Variants in YIPF4 observed in about 807,000 individuals in gnomAD.
YIPF4 encodes the protein Yip1 domain family member 4, also known as protein YIPF4.
A neutral mutation model predicts 29.4 loss-of-function variants in YIPF4; 18 were observed. The ratio of observed to expected loss-of-function variants is 0.61; its 90% CI spans 0.42 to 0.91. YIPF4 has a LOEUF of 0.91. Among genes scored for constraint, YIPF4 ranks in the 40% least tolerant of loss-of-function variants. The pLI is 0.00. For missense variants in YIPF4, 279 were observed against 282.7 expected (o/e 0.99, Z 0.09); for synonymous variants, 115 against 104.7 (o/e 1.10, Z -0.60).
At chr2:32,303,781 G>A (rs1349371072) in intron 5 of YIPF4, among the ~76,000 whole-genome samples, 1 of 152,140 alleles carries the variant, frequency 6.6e-6, no homozygotes, top group East Asian at 1.9e-4. Flanking sequence ...TAACCCTAAA[G>A]CCTTTTTTTG....
intron 3 of YIPF4, among the ~76,000 whole-genome samples, chr2:32,294,551 C>T (rs1438511063): frequency 5.9e-5 from 9 of 151,366 alleles, no homozygotes; most frequent in African/African-American, 9.7e-5. Context: ...GATGGGATGG[C>T]GGCCGGGCAG....
At chr2:32,292,421 A>G in intron 3 of YIPF4, 73 bp downstream of exon 3, 2 of 1,085,730 alleles carry the variant, frequency 1.8e-6, no homozygotes, top group Admixed American at 6.4e-5. Flanking sequence ...TAAGATATTA[A>G]CTGTAATATA....
At chr2:32,288,481 T>C (rs1262748368) in intron 1 of YIPF4, among the ~76,000 whole-genome samples, 1 of 152,194 alleles carries the variant, frequency 6.6e-6, no homozygotes, top group Non-Finnish European at 1.5e-5. Flanking sequence ...GCTGTACTAA[T>C]GATTTCTGGA....
intron 3 of YIPF4, among the ~76,000 whole-genome samples, chr2:32,294,642 G>A (rs1048211048): frequency 4.0e-5 from 6 of 151,780 alleles, no homozygotes; most frequent in Admixed American, 2.0e-4. Context: ...AGGCAGAGAC[G>A]CTCCTCACTT....
intron 3 of YIPF4, among the ~76,000 whole-genome samples, chr2:32,292,855 T>C (rs1573533380): frequency 9.3e-6 from 1 of 107,350 alleles, no homozygotes; most frequent in African/African-American, 3.9e-5. Flanking sequence ...AGAGTGAGAC[T>C]CCATCTCAAA....
At chr2:32,289,771 C>T (rs1490985656) in intron 1 of YIPF4, among the ~76,000 whole-genome samples, 1 of 152,048 alleles carries the variant, frequency 6.6e-6, no homozygotes, top group Non-Finnish European at 1.5e-5. Context: ...CTCTTCACCT[C>T]TTGTTAGAGC....
At chr2:32,304,920 C>G (rs2031524803) in intron 5 of YIPF4, among the ~76,000 whole-genome samples, 1 of 151,942 alleles carries the variant, frequency 6.6e-6, no homozygotes, top group African/African-American at 2.4e-5. Flanking sequence ...CTTTTTATCT[C>G]CTTTTTATTC....
intron 1 of YIPF4, among the ~76,000 whole-genome samples, chr2:32,281,747 G>T (rs548656268): frequency 6.6e-6 from 1 of 151,880 alleles, no homozygotes; most frequent in East Asian, 1.9e-4. Flanking sequence ...AAATTAGCCG[G>T]GCATGGTGGC....
chr2:32,312,990 CAAAA>C lies in YIPF4; in HGVS notation c.*7370_*7373del, dbSNP rs902045918. 6.7e-6 allele frequency: 1 copy of C among 148,406 alleles called. No homozygotes were observed. The highest frequency in any genetic ancestry group is 1.5e-5 in the Non-Finnish European group (1 of 67,140). The allele number at this position is 148,406 out of a possible 1,614,324, so 9.2% of individuals were successfully genotyped here. A position where few individuals can be genotyped will look rare whatever the true frequency, so the allele number is the denominator to read the frequency against. ...TGGGTGACAGAGCGAGACTCTGTCT[CAAAA>C]AAAAAGACCGCCCCCCCCAATATAC... On this transcript the variant is annotated 3_prime_UTR_variant, in exon 6 of 6. Transcript: ENST00000238831.
intron 4 of YIPF4, among the ~76,000 whole-genome samples, chr2:32,300,854 A>G (rs1399212899): frequency 2.0e-5 from 3 of 152,208 alleles, no homozygotes; most frequent in Non-Finnish European, 4.4e-5. Flanking sequence ...CCTATATTTC[A>G]TAGGATTGTT....
chr2:32,307,139 T>G lies in YIPF4; in HGVS notation c.*1513T>G. ...CCAGAGGGACAGGACTTCTAGAAGT[T>G]AGAATAATATGAAGTAATCAGGAAA... On this transcript the variant is annotated 3_prime_UTR_variant, in exon 6 of 6. Transcript: ENST00000238831. The G allele has an allele frequency of 7.7e-7, 1 of 1,299,094 alleles. No homozygotes were observed. The highest frequency in any genetic ancestry group is 1.0e-6 in the Non-Finnish European group (1 of 987,166). 80.5% of individuals were successfully genotyped at this position (1,299,094 alleles called of 1,614,324 possible). A position where few individuals can be genotyped will look rare whatever the true frequency, so the allele number is the denominator to read the frequency against.
At chr2:32,286,619 C>T (rs1262827724) in intron 1 of YIPF4, among the ~76,000 whole-genome samples, 1 of 151,980 alleles carries the variant, frequency 6.6e-6, no homozygotes, top group Non-Finnish European at 1.5e-5. Context: ...GATCTCAGCT[C>T]AGTGCAACCT....
At chr2:32,279,514 C>T (rs1169089157) in intron 1 of YIPF4, among the ~76,000 whole-genome samples, 4 of 150,302 alleles carry the variant, frequency 2.7e-5, no homozygotes, top group East Asian at 2.0e-4. Context: ...TCTCTGGCCT[C>T]AGCCTCCCGT....
At position 32,315,728 on chromosome 2, in the gene YIPF4, A is replaced by C. The variant is rs2148971677; in HGVS notation, c.*10102A>C. On this transcript the variant is annotated 3_prime_UTR_variant, in exon 6 of 6. Coordinates refer to ENST00000238831, the MANE Select transcript of YIPF4 (RefSeq NM_032312.4). Reference sequence around the variant, plus strand: ...GCACTCCAGCCTGGGTGACAAGGCAAGACTCCGTCTCAAAAAAAAAAAGAA... The same window carrying C: ...GCACTCCAGCCTGGGTGACAAGGCACGACTCCGTCTCAAAAAAAAAAAGAA... The C allele has an allele frequency of 6.6e-6, 1 of 152,364 alleles. No homozygotes were observed. Among genetic ancestry groups the C allele is most frequent in the South Asian group, 2.1e-4 (1 of 4,822 alleles). 9.4% of individuals were successfully genotyped at this position (152,364 alleles called of 1,614,324 possible). A position where few individuals can be genotyped will look rare whatever the true frequency, so the allele number is the denominator to read the frequency against.
chr2:32,295,026 A>G (rs1457526585), intron 3 of YIPF4, among the ~76,000 whole-genome samples: 8 of 132,596 alleles, frequency 6.0e-5, no homozygotes, highest in African/African-American at 8.5e-5. Flanking sequence ...AGTACAGTCC[A>G]GCTTCGGCTC....
At chr2:32,279,031 G>T (rs377515445) in intron 1 of YIPF4, among the ~76,000 whole-genome samples, 1 of 148,022 alleles carries the variant, frequency 6.8e-6, no homozygotes, top group South Asian at 2.2e-4. Flanking sequence ...GCAGTGGCGC[G>T]ATCTCGGCTC....
chr2:32,315,851 T>C lies in YIPF4; in HGVS notation c.*10225T>C, dbSNP rs1425542012. 1 of 151,916 alleles carries C rather than the reference T, an allele frequency of 6.6e-6. No individual in the cohort carries two copies. The highest frequency in any genetic ancestry group is 1.5e-5 in the Non-Finnish European group (1 of 67,992). The allele number at this position is 151,916 out of a possible 1,614,324, so 9.4% of individuals were successfully genotyped here. A position where few individuals can be genotyped will look rare whatever the true frequency, so the allele number is the denominator to read the frequency against. ...CTGGAATAAGCTTTTCATATAATCTTTGAGAAGATGGGGCTTTCAAAGCGT... is the reference window on the plus strand; with the variant it reads ...CTGGAATAAGCTTTTCATATAATCTCTGAGAAGATGGGGCTTTCAAAGCGT... On this transcript the variant is annotated 3_prime_UTR_variant, in exon 6 of 6. Coordinates refer to ENST00000238831, the MANE Select transcript of YIPF4 (RefSeq NM_032312.4).
chr2:32,306,150 G>T lies in YIPF4; in HGVS notation c.*524G>T. On this transcript the variant is annotated 3_prime_UTR_variant, in exon 6 of 6. Transcript: ENST00000238831. Reference sequence around the variant, plus strand: ...TCTGATGCACAAACTTTTTAATTTGGCCATTAATCTTTTTTATTTAAAAAT... The same window carrying T: ...TCTGATGCACAAACTTTTTAATTTGTCCATTAATCTTTTTTATTTAAAAAT... 1.3e-6 allele frequency: 1 copy of T among 795,172 alleles called. No individual in the cohort carries two copies. The highest frequency in any genetic ancestry group is 1.5e-6 in the Non-Finnish European group (1 of 656,934). The allele number at this position is 795,172 out of a possible 1,614,324, so 49.3% of individuals were successfully genotyped here.
At chr2:32,294,936 G>A (rs1034543656) in intron 3 of YIPF4, among the ~76,000 whole-genome samples, 2 of 152,088 alleles carry the variant, frequency 1.3e-5, no homozygotes, top group Non-Finnish European at 2.9e-5. Flanking sequence ...GCGTGGCGGC[G>A]TGCGCCTGCA....
Sources: gnomAD v4.1 joint callset for allele counts (sites outside exome capture counted in the v4.1 genomes callset) on GRCh38, gnomAD v4.1.1 for gene constraint, MANE v1.5 for transcripts, NCBI Gene and HGNC (gene_info 2026-07-23, HGNC 2026-07-21) for gene names.